MRPL4: variants seen among roughly 807,000 people sequenced by gnomAD.
The protein encoded by MRPL4 is large ribosomal subunit protein uL4m.
In MRPL4, 34 loss-of-function variants were observed where a neutral mutation model predicts 34.1. The observed-to-expected ratio is 1.00, with a 90% CI of 0.76 to 1.33. The LOEUF (loss-of-function observed/expected upper bound fraction) is 1.33, where lower values mean the gene tolerates loss of function less well. MRPL4 is among the 40% of genes most tolerant of loss of function. The pLI, the probability that MRPL4 is intolerant of heterozygous loss-of-function variation, is 0.00. For synonymous variants in MRPL4, 196 were observed against 188.3 expected (o/e 1.04, Z -0.33); for missense variants, 402 against 434.6 (o/e 0.92, Z 0.67).
intron 5 of MRPL4, 116 bp from the exon 6 acceptor site, chr19:10,258,106 G>C: frequency 1.4e-6 from 1 of 701,124 alleles, no homozygotes; most frequent in Non-Finnish European, 2.4e-6. Context: ...CACCCTCTCT[G>C]CCTTGTTCCT....
chr19:10,259,127 C>T, intron 8 of MRPL4: 1 of 484,394 alleles, frequency 2.1e-6, no homozygotes, highest in Non-Finnish European at 2.8e-6. Context: ...AAAAAAAAAG[C>T]TCCAAAGTCA....
chr19:10,256,063 G>A (rs1198232394), intron 4 of MRPL4, among the ~76,000 whole-genome samples: 1 of 152,086 alleles, frequency 6.6e-6, no homozygotes, highest in Admixed American at 6.6e-5. Context: ...CGAGGCGGAT[G>A]GATCACGAGG....
intron 4 of MRPL4, among the ~76,000 whole-genome samples, chr19:10,256,027 C>A (rs1024969934): frequency 2.6e-5 from 4 of 152,038 alleles, no homozygotes; most frequent in African/African-American, 9.7e-5. Flanking sequence ...GTGGCTCACA[C>A]CTGTAATCCC....
chr19:10,258,564 C>T, intron 7 of MRPL4, 42 bp downstream of exon 7: 1 of 1,614,136 alleles, frequency 6.2e-7, no homozygotes. Context: ...GCCCTGAGCT[C>T]CGTACTCTGA....
chr19:10,258,421 G>C lies in MRPL4; in HGVS notation c.561G>C (p.Leu187=). ...TCCTTTCCTTCCACCAGGACGACCT[G>C]CACATCATGGACTCCCTAGAGCTGC... ...ALTVKLAQDD[L]HIMDSLELPT... The change falls in exon 7 of 9, where the codon CTG becomes CTC. Residue 187 remains leucine (L), a synonymous_variant. Transcript: ENST00000253099. The C allele has an allele frequency of 6.2e-7, 1 of 1,614,040 alleles. No individual in the cohort carries two copies. The highest frequency in any genetic ancestry group is 8.5e-7 in the Non-Finnish European group (1 of 1,179,994).
rs1305567224 is a variant in MRPL4 at position 10,259,405 on chromosome 19, C to G, written c.740-212C>G. ...AGGACCGAGCCTGGCTCTCGGTCAG[C>G]AGGTGATGAGCTGGGAGCAGCTCCT... On this transcript the variant is annotated intron_variant, in intron 8 of 8. Transcript: ENST00000253099. 5 of 1,406,702 alleles carry G rather than the reference C, an allele frequency of 3.6e-6. No homozygotes were observed. In the African/African-American group the frequency reaches 7.4e-5, roughly 21 times the overall value. The allele number at this position is 1,406,702 out of a possible 1,614,324, so 87.1% of individuals were successfully genotyped here.
At chr19:10,252,502 G>C (rs1354574600) in intron 2 of MRPL4, 39 bp downstream of exon 2, 1 of 1,613,916 alleles carries the variant, frequency 6.2e-7, no homozygotes, top group African/African-American at 1.3e-5. Context: ...GGCGGCGACA[G>C]AGAGGTCTGA....
intron 8 of MRPL4, chr19:10,258,942 AAAAAT>A (rs2039879728): frequency 1.4e-6 from 2 of 1,422,712 alleles, no homozygotes; most frequent in Non-Finnish European, 9.2e-7. Flanking sequence ...CATCTGTACT[AAAAAT>A]AAAAAAGTTA....
intron 8 of MRPL4, 21 bp from the exon 9 acceptor site, chr19:10,259,596 C>T: frequency 6.8e-7 from 1 of 1,474,022 alleles, no homozygotes. Flanking sequence ...GCCCCCCGCC[C>T]CGCCCCCACC....
At chr19:10,259,287 C>G (rs1342618933) in intron 8 of MRPL4, 1 of 1,379,716 alleles carries the variant, frequency 7.2e-7, no homozygotes, top group Non-Finnish European at 9.3e-7. Context: ...CACGTCAGGC[C>G]CTGCACGATG....
chr19:10,259,570 AG>A (rs2039889609), intron 8 of MRPL4, 46 bp from the exon 9 acceptor site: 3 of 1,543,232 alleles, frequency 1.9e-6, no homozygotes, highest in African/African-American at 2.7e-5. Context: ...GGAGAGAGGC[AG>A]CCCCGGCCTG....
chr19:10,254,499 AG>A, intron 3 of MRPL4, 89 bp from the exon 4 acceptor site: 1 of 1,494,664 alleles, frequency 6.7e-7, no homozygotes, highest in South Asian at 1.2e-5. Flanking sequence ...AGGGCCCTGG[AG>A]GCAGAAGGGA....
At chr19:10,256,658 C>T (rs2039854063) in intron 4 of MRPL4, 50 bp from the exon 5 acceptor site, 1 of 1,532,550 alleles carries the variant, frequency 6.5e-7, no homozygotes, top group Non-Finnish European at 9.0e-7. Context: ...CTGCCCGGCT[C>T]CCTGACACCT....
intron 3 of MRPL4, 40 bp downstream of exon 3, chr19:10,252,741 A>T: frequency 1.3e-6 from 2 of 1,579,466 alleles, no homozygotes; most frequent in South Asian, 1.1e-5. Flanking sequence ...TGGCAGAGGG[A>T]TGAAGAGCGG....
At chr19:10,253,791 C>CAA (rs149418404) in intron 3 of MRPL4, among the ~76,000 whole-genome samples, 1,790 of 146,082 alleles carry the variant, frequency 0.012, 13 homozygotes, top group Admixed American at 0.017. Context: ...GACTCCATCT[C>CAA]AAAAAAAAAA....
upstream of MRPL4, chr19:10,252,159 C>T (rs529860460): frequency 4.3e-6 from 6 of 1,401,120 alleles, no homozygotes; most frequent in Middle Eastern, 2.5e-4. Context: ...GGAGTCGCGG[C>T]GGGTAGGGCG....
At chr19:10,253,652 G>A (rs2039820815) in intron 3 of MRPL4, among the ~76,000 whole-genome samples, 1 of 151,898 alleles carries the variant, frequency 6.6e-6, no homozygotes, top group East Asian at 1.9e-4. Flanking sequence ...TTAGCCGGAC[G>A]TCTTAGTGCA....
chr19:10,256,009 C>T (rs1230673826), intron 4 of MRPL4, among the ~76,000 whole-genome samples: 1 of 152,018 alleles, frequency 6.6e-6, no homozygotes, highest in African/African-American at 2.4e-5. Flanking sequence ...TAGCTGGGGC[C>T]AGGTGCGGTG....
At chr19:10,258,923 T>C in intron 8 of MRPL4, 1 of 1,435,226 alleles carries the variant, frequency 7.0e-7, no homozygotes, top group East Asian at 2.5e-5. Context: ...GGCAATATAG[T>C]GAGGCTCCCA....
Sources: allele counts gnomAD v4.1 joint callset (sites outside exome capture counted in the v4.1 genomes callset), GRCh38; gene constraint gnomAD v4.1.1; transcripts MANE v1.5; gene names NCBI Gene and HGNC (gene_info 2026-07-23, HGNC 2026-07-21).